The following MYO9B variants were observed in gnomAD, a reference collection of about 807,000 sequenced individuals.
MYO9B encodes myosin IXB, also known as unconventional myosin-IXb.
In MYO9B, 71 loss-of-function variants were observed where a neutral mutation model predicts 229.5. The observed-to-expected ratio is 0.31, with a 90% CI of 0.26 to 0.38. The LOEUF is 0.38. Ranked by LOEUF, MYO9B falls within the 10% of genes least tolerant of loss-of-function variation. MYO9B has a pLI of 1.00. For missense variants in MYO9B, 2,255 were observed against 2,920.5 expected (o/e 0.77, Z 5.25); for synonymous variants, 1,185 against 1,235.8 (o/e 0.96, Z 0.86).
At position 17,151,209 on chromosome 19, in the gene MYO9B, C is replaced by T. The variant is rs544940909; in HGVS notation, c.936-1435C>T. On this transcript the variant is annotated intron_variant, in intron 3 of 39. Transcript: ENST00000682292. Reference sequence around the variant, plus strand: ...AGGAGAATTGCTTGAACCCAGGAGGCAGAGGTTGCAGTGAGCTGAGATCAC... The same window carrying T: ...AGGAGAATTGCTTGAACCCAGGAGGTAGAGGTTGCAGTGAGCTGAGATCAC... 3.0e-3 allele frequency among the ~76,000 whole-genome samples: 458 copies of T among 150,938 alleles called. 2 individuals are homozygous for T. The highest frequency in any genetic ancestry group is 0.01 in the African/African-American group (414 of 40,952).
rs778071742 is a variant in MYO9B, at chr19:17,195,483, A to G, written c.4046+10A>G. On this transcript the variant is annotated intron_variant, in intron 22 of 39. Transcript: ENST00000682292. This position sits in a 1 kb window ranked among gnomAD's most constrained non-coding sequence, Gnocchi z 4.5. ...CCCTCACGCCCACAGAGTAAGCCCCACACCCTCTTTTGTCTGAGCACCAGG... is the reference window on the plus strand; with the variant it reads ...CCCTCACGCCCACAGAGTAAGCCCCGCACCCTCTTTTGTCTGAGCACCAGG... 1 of 1,583,166 alleles carries G rather than the reference A, an allele frequency of 6.3e-7. No individual in the cohort carries two copies. The highest frequency in any genetic ancestry group is 1.3e-5 in the African/African-American group (1 of 74,360).
intron 14 of MYO9B, chr19:17,180,709 G>A (rs2072849298): frequency 1.9e-6 from 1 of 516,132 alleles, no homozygotes; most frequent in African/African-American, 2.0e-5. Flanking sequence ...TTGCCTCAAA[G>A]CCCTGCCCCG....
intron 11 of MYO9B, among the ~76,000 whole-genome samples, chr19:17,170,470 G>A (rs933702850): frequency 1.5e-4 from 23 of 151,878 alleles, no homozygotes; most frequent in East Asian, 1.9e-4. Flanking sequence ...AGGTCAGGGA[G>A]ACAGACACAT....
chr19:17,160,978 C>T (rs556890242), intron 8 of MYO9B, among the ~76,000 whole-genome samples: 3 of 151,596 alleles, frequency 2.0e-5, no homozygotes, highest in Non-Finnish European at 4.4e-5. Context: ...GGATTACAGG[C>T]GTGAGCCACG....
intron 38 of MYO9B, 140 bp downstream of exon 38, chr19:17,210,988 T>C: frequency 2.5e-5 from 24 of 964,022 alleles, no homozygotes; most frequent in South Asian, 5.2e-5. Flanking sequence ...TTTTTTTTTT[T>C]TTTTTTTTTT....
At chr19:17,141,726 G>C (rs1236894498) in intron 2 of MYO9B, among the ~76,000 whole-genome samples, 2 of 152,186 alleles carry the variant, frequency 1.3e-5, no homozygotes, top group African/African-American at 4.8e-5. Flanking sequence ...GGGCACCCCA[G>C]GAATCTGGAC....
chr19:17,194,097 G>C (rs986699758), intron 21 of MYO9B, among the ~76,000 whole-genome samples: 1 of 152,050 alleles, frequency 6.6e-6, no homozygotes, highest in African/African-American at 2.4e-5. Flanking sequence ...ACTTGAACCC[G>C]GGAGGCAGAG....
intron 11 of MYO9B, among the ~76,000 whole-genome samples, chr19:17,169,229 G>A (rs536250904): frequency 7.9e-5 from 12 of 151,032 alleles, no homozygotes; most frequent in East Asian, 7.8e-4. Context: ...AAAATTAGCC[G>A]GGCATGGTGA....
chr19:17,093,187 G>A (rs1260894015), intron 1 of MYO9B, among the ~76,000 whole-genome samples: 1 of 152,158 alleles, frequency 6.6e-6, no homozygotes, highest in Non-Finnish European at 1.5e-5. Flanking sequence ...CAAAAAATTA[G>A]CTGGGCGTGG....
rs762583073 is a variant in MYO9B, at chr19:17,169,802, C to CTTTTTTTTT, written c.1793+1759_1793+1767dup. Among the ~76,000 whole-genome samples, 23 of 106,590 alleles carry CTTTTTTTTT rather than the reference C, an allele frequency of 2.2e-4. 3 individuals are homozygous for CTTTTTTTTT. Among genetic ancestry groups the CTTTTTTTTT allele is most frequent in the African/African-American group, 9.5e-4 (23 of 24,194 alleles). 69.9% of individuals were successfully genotyped at this position (106,590 alleles called of 152,430 possible). A position where few individuals can be genotyped will look rare whatever the true frequency, so the allele number is the denominator to read the frequency against. The stretch of plus-strand genomic sequence containing the variant: ...TCATTCATCTCAATCCTGTCTCCTC[C>CTTTTTTTTT]TTTTTTTTTTTTTTTTTTTTTTTTT... On this transcript the variant is annotated intron_variant, in intron 11 of 39. Transcript: ENST00000682292.
chr19:17,119,720 C>T (rs1210944533), intron 2 of MYO9B, among the ~76,000 whole-genome samples: 1 of 152,174 alleles, frequency 6.6e-6, no homozygotes, highest in Non-Finnish European at 1.5e-5. Context: ...GGCGCAATCT[C>T]AGCTCACTGC....
At chr19:17,210,039 T>C (rs1488664371) in intron 36 of MYO9B, among the ~76,000 whole-genome samples, 1 of 152,112 alleles carries the variant, frequency 6.6e-6, no homozygotes, top group East Asian at 1.9e-4. Context: ...TCAGCCTCAC[T>C]CCAATTATGT....
In MYO9B at chr19:17,159,494, G is replaced by T; in HGVS notation, c.1419+10G>T. On this transcript the variant is annotated intron_variant, in intron 8 of 39. Transcript: ENST00000682292. ...CTACAGCCTCAGCGAGGTGAGCTCT[G>T]CCCAGGCACTCACAGGGTGCCAGAT... 1 of 1,602,840 alleles carries T rather than the reference G, an allele frequency of 6.2e-7. No individual in the cohort carries two copies. Among genetic ancestry groups the T allele is most frequent in the Non-Finnish European group, 8.5e-7 (1 of 1,174,496 alleles).
chr19:17,200,882 C>T (rs2073099810), intron 26 of MYO9B, 53 bp downstream of exon 26: 1 of 1,570,042 alleles, frequency 6.4e-7, no homozygotes, highest in Non-Finnish European at 8.7e-7. Flanking sequence ...CCAGGGGAAC[C>T]ATCACAGCCA....
chr19:17,087,427 C>T (rs182568219), intron 1 of MYO9B, among the ~76,000 whole-genome samples: 1 of 152,280 alleles, frequency 6.6e-6, no homozygotes, highest in African/African-American at 2.4e-5. Flanking sequence ...GTGGAATTGG[C>T]AGAAGTCACG....
intron 1 of MYO9B, among the ~76,000 whole-genome samples, chr19:17,085,272 G>A (rs538301257): frequency 6.6e-6 from 1 of 152,314 alleles, no homozygotes; most frequent in Admixed American, 6.5e-5. Context: ...CAGGCAGAGG[G>A]TGGGTTTCAT....
chr19:17,148,432 G>A (rs73504416), intron 3 of MYO9B, among the ~76,000 whole-genome samples: 9,885 of 152,220 alleles, frequency 0.065, 518 homozygotes, highest in African/African-American at 0.14. Context: ...GCCAGAAGTC[G>A]GATATCAAGG....
Position 17,157,069 on chromosome 19 carries a change from G to A in MYO9B, c.1329+31G>A, listed in dbSNP as rs373692260. ...GATTGCCACCTCTGTCCCTTCTCAG[G>A]CCTGGCTCAGGGCCGCTGGCTATCT... On this transcript the variant is annotated intron_variant, in intron 7 of 39. Transcript: ENST00000682292. 6.8e-4 allele frequency: 1,084 copies of A among 1,604,904 alleles called. 16 individuals carry two copies. The South Asian group carries it at 0.011, about 17-fold the overall frequency.
chr19:17,100,333 TGTG>T (rs1044853883), intron 1 of MYO9B, among the ~76,000 whole-genome samples: 2 of 150,288 alleles, frequency 1.3e-5, no homozygotes, highest in Non-Finnish European at 3.0e-5. Context: ...ATTAGCCGGG[TGTG>T]GTGGCGCATG....
Sources: gnomAD v4.1 joint callset for allele counts (sites outside exome capture counted in the v4.1 genomes callset) on GRCh38, gnomAD v4.1.1 for gene constraint, Gnocchi (gnomAD v3.1) non-coding constraint, MANE v1.5 for transcripts, NCBI Gene and HGNC (gene_info 2026-07-23, HGNC 2026-07-21) for gene names.